The following LRP1B variants were observed in gnomAD, a reference collection of about 807,000 sequenced individuals.
LRP1B encodes the protein low-density lipoprotein receptor-related protein 1B.
A neutral mutation model predicts 556.6 loss-of-function variants in LRP1B; 217 were observed. That is an observed-to-expected ratio of 0.39 (90% CI 0.35 to 0.44). LRP1B has a LOEUF of 0.44. Among genes scored for constraint, LRP1B ranks in the 20% least tolerant of loss-of-function variants. The pLI is 1.00. For synonymous variants in LRP1B, 2,047 were observed against 1,865.8 expected, an observed-to-expected ratio of 1.10 and a Z score of -2.50; for missense variants, 5,053 against 5,620.8, an observed-to-expected ratio of 0.90 and a Z score of 3.23.
intron 35 of LRP1B, among the ~76,000 whole-genome samples, chr2:140,718,110 G>C (rs12467037): frequency 0.059 from 8,909 of 151,926 alleles, 352 homozygotes; most frequent in Admixed American, 0.11. Flanking sequence ...CTAAACATTA[G>C]ACTTATACGT....
chr2:140,987,117 G>A (rs1016268758), intron 17 of LRP1B, among the ~76,000 whole-genome samples: 5 of 152,092 alleles, frequency 3.3e-5, no homozygotes, highest in African/African-American at 9.7e-5. Flanking sequence ...GTGAAATGGA[G>A]GTACTTTGTA....
chr2:140,828,425 C>T (rs1286496053), intron 31 of LRP1B, among the ~76,000 whole-genome samples: 2 of 147,596 alleles, frequency 1.4e-5, no homozygotes, highest in African/African-American at 5.0e-5. Flanking sequence ...CTGGCTAACA[C>T]GGTGAAACCC....
chr2:140,842,373 C>G (rs1454525886), intron 29 of LRP1B, among the ~76,000 whole-genome samples: 1 of 152,148 alleles, frequency 6.6e-6, no homozygotes, highest in Admixed American at 6.6e-5. Context: ...TCAAGGGAGC[C>G]TACCTTGCTG....
chr2:141,387,548 A>G (rs1443737767), intron 3 of LRP1B, among the ~76,000 whole-genome samples: 2 of 152,168 alleles, frequency 1.3e-5, no homozygotes, highest in Non-Finnish European at 2.9e-5. Flanking sequence ...CACATGAACA[A>G]ATTAGATAGC....
chr2:140,947,157 C>T (rs141774318), intron 20 of LRP1B, among the ~76,000 whole-genome samples: 262 of 151,974 alleles, frequency 1.7e-3, no homozygotes, highest in African/African-American at 5.9e-3. Context: ...AAGTACCCCC[C>T]GAATCTATTA....
At chr2:140,603,933 G>A (rs779970329) in intron 41 of LRP1B, among the ~76,000 whole-genome samples, 16 of 152,078 alleles carry the variant, frequency 1.1e-4, no homozygotes, top group Non-Finnish European at 2.2e-4. Flanking sequence ...TTTATCGACA[G>A]TGAGAGGGCA....
chr2:140,576,702 C>CT (rs1295599139), intron 43 of LRP1B, among the ~76,000 whole-genome samples: 2 of 152,132 alleles, frequency 1.3e-5, no homozygotes, highest in Admixed American at 1.3e-4. Flanking sequence ...TTGTTTCTGG[C>CT]TTTTTTCATT....
At chr2:142,124,368 C>G (rs1323342681) in intron 1 of LRP1B, among the ~76,000 whole-genome samples, 1 of 149,694 alleles carries the variant, frequency 6.7e-6, no homozygotes, top group East Asian at 1.9e-4. Context: ...TAATTGGGTA[C>G]CTAATTGTAG....
chr2:140,707,558 C>G (rs1686882947), intron 37 of LRP1B, among the ~76,000 whole-genome samples: 1 of 152,038 alleles, frequency 6.6e-6, no homozygotes, highest in South Asian at 2.1e-4. Flanking sequence ...AAACTGAATA[C>G]TCTATAAGTC....
chr2:141,708,490 C>T (rs545880953), intron 2 of LRP1B, among the ~76,000 whole-genome samples: 1 of 152,232 alleles, frequency 6.6e-6, no homozygotes, highest in Non-Finnish European at 1.5e-5. Flanking sequence ...CCGACACATG[C>T]TTACAATCTA....
At chr2:141,957,000 G>A (rs1253028547) in intron 1 of LRP1B, among the ~76,000 whole-genome samples, 1 of 152,004 alleles carries the variant, frequency 6.6e-6, no homozygotes. Context: ...TTTGATAGGG[G>A]TAGGTGTGAT....
At chr2:141,986,102 C>T (rs900828042) in intron 1 of LRP1B, among the ~76,000 whole-genome samples, 1 of 151,808 alleles carries the variant, frequency 6.6e-6, no homozygotes, top group African/African-American at 2.4e-5. Flanking sequence ...AAATTAAGAG[C>T]TAAACATCTG....
intron 35 of LRP1B, among the ~76,000 whole-genome samples, chr2:140,736,389 T>A (rs898468918): frequency 3.3e-5 from 5 of 152,054 alleles, no homozygotes; most frequent in Non-Finnish European, 5.9e-5. Context: ...TATTGTTTCA[T>A]ATGGAACCAA....
chr2:141,804,032 C>T (rs1004306), intron 2 of LRP1B, among the ~76,000 whole-genome samples: 36,819 of 151,962 alleles, frequency 0.24, 4,594 homozygotes, highest in African/African-American at 0.3. Context: ...TTCCTAGTAC[C>T]CAAGAGACTT....
intron 1 of LRP1B, among the ~76,000 whole-genome samples, chr2:141,956,129 A>G (rs894949286): frequency 1.4e-4 from 22 of 152,078 alleles, no homozygotes; most frequent in Non-Finnish European, 2.8e-4. Flanking sequence ...ATGCCTAGGA[A>G]TTGAATTTTT....
chr2:140,324,515 A>C (rs962448115), intron 80 of LRP1B, among the ~76,000 whole-genome samples: 26 of 152,112 alleles, frequency 1.7e-4, no homozygotes, highest in Admixed American at 9.8e-4. Flanking sequence ...TTGATTTTTA[A>C]TGAGTAAATC....
chr2:140,371,983 T>C (rs996340923), intron 69 of LRP1B, among the ~76,000 whole-genome samples: 1 of 152,088 alleles, frequency 6.6e-6, no homozygotes, highest in Non-Finnish European at 1.5e-5. Flanking sequence ...TTTATAAGTG[T>C]ATCAGTCACA....
chr2:141,471,911 A>G (rs1231400581), intron 3 of LRP1B, among the ~76,000 whole-genome samples: 2 of 152,222 alleles, frequency 1.3e-5, no homozygotes, highest in African/African-American at 4.8e-5. Flanking sequence ...AGAAAGATGA[A>G]GGAAATATCT....
At chr2:141,635,918 A>T (rs1471615021) in intron 2 of LRP1B, among the ~76,000 whole-genome samples, 1 of 152,204 alleles carries the variant, frequency 6.6e-6, no homozygotes, top group African/African-American at 2.4e-5. Flanking sequence ...TTATACCTTC[A>T]GGATTGATAA....
Sources: gnomAD v4.1 joint callset for allele counts (sites outside exome capture counted in the v4.1 genomes callset) on GRCh38, gnomAD v4.1.1 for gene constraint, MANE v1.5 for transcripts, NCBI Gene and HGNC (gene_info 2026-07-23, HGNC 2026-07-21) for gene names.